The following BAIAP2 variants were observed in gnomAD, a reference collection of about 807,000 sequenced individuals.
BAIAP2 encodes BAR/IMD domain-containing adapter protein 2.
BAIAP2 carries 18 observed loss-of-function variants against 63.0 expected under a neutral mutation model. That is an observed-to-expected ratio of 0.29 (90% CI 0.20 to 0.42). The LOEUF is 0.42. Among genes scored for constraint, BAIAP2 ranks in the 10% least tolerant of loss-of-function variants. The pLI is 1.00. For synonymous variants in BAIAP2, 386 were observed against 307.6 expected (o/e 1.25, Z -2.67); for missense variants, 610 against 734.3 (o/e 0.83, Z 1.96).
chr17:81,075,989 CAGA>C (rs1443653529), intron 3 of BAIAP2, among the ~76,000 whole-genome samples: 1 of 149,758 alleles, frequency 6.7e-6, no homozygotes, highest in African/African-American at 2.5e-5. Flanking sequence ...CGCAGAGAAG[CAGA>C]AGTGCCTGCA....
intron 1 of BAIAP2, among the ~76,000 whole-genome samples, chr17:81,047,680 C>T (rs1308508666): frequency 1.3e-5 from 2 of 151,736 alleles, no homozygotes; most frequent in African/African-American, 2.4e-5. Context: ...ACAGGTCCAT[C>T]TCATGCCCAC....
intron 6 of BAIAP2, chr17:81,098,050 C>G: frequency 8.3e-7 from 1 of 1,209,250 alleles, no homozygotes; most frequent in South Asian, 3.2e-5. Flanking sequence ...ACGCGCTACC[C>G]CAGACCTCAG....
At chr17:81,080,004 T>C (rs537817568) in intron 3 of BAIAP2, among the ~76,000 whole-genome samples, 1 of 152,282 alleles carries the variant, frequency 6.6e-6, no homozygotes, top group Admixed American at 6.5e-5. Flanking sequence ...AGGGAGGCTC[T>C]CAACGGCTGT....
intron 3 of BAIAP2, among the ~76,000 whole-genome samples, chr17:81,077,385 G>A (rs1436039632): frequency 1.1e-4 from 17 of 152,018 alleles, no homozygotes; most frequent in East Asian, 9.7e-4. Flanking sequence ...TGGCCAACAC[G>A]GTGAAACCCC....
chr17:81,100,149 C>T, intron 7 of BAIAP2, 69 bp downstream of exon 7: 4 of 1,508,004 alleles, frequency 2.7e-6, no homozygotes, highest in Non-Finnish European at 2.7e-6. Flanking sequence ...AGGCCCCTGC[C>T]CCAGCCCCAG....
chr17:81,108,174 G>T, intron 12 of BAIAP2: 1 of 477,358 alleles, frequency 2.1e-6, no homozygotes, highest in Non-Finnish European at 3.7e-6. Flanking sequence ...GGGGCAGGAG[G>T]AGGGGTCTCA....
At chr17:81,096,315 C>T (rs149964650) in intron 6 of BAIAP2, among the ~76,000 whole-genome samples, 2 of 152,224 alleles carry the variant, frequency 1.3e-5, no homozygotes, top group African/African-American at 2.4e-5. Context: ...AGGGAGGGCA[C>T]AGAATCCTCA....
intron 4 of BAIAP2, 141 bp downstream of exon 4, chr17:81,085,034 C>G (rs2055327981): frequency 3.8e-6 from 3 of 792,730 alleles, no homozygotes; most frequent in African/African-American, 1.7e-5. Flanking sequence ...CCTGGCTCAG[C>G]ACACAAGCCA....
At position 81,086,598 on chromosome 17, in the gene BAIAP2, G is replaced by T. The variant is rs757400683; in HGVS notation, c.489+18G>T. The T allele has an allele frequency of 1.2e-6, 2 of 1,611,866 alleles. No individual in the cohort carries two copies. The highest frequency in any genetic ancestry group is 2.2e-5 in the South Asian group (2 of 90,998). The stretch of plus-strand genomic sequence containing the variant: ...AGCTGCAGGTAGGCCCGCCACCCCC[G>T]CTGTGGTGCCTCTCCTGCCACCTTG... On this transcript the variant is annotated intron_variant, in intron 6 of 13. Transcript: ENST00000428708.
chr17:81,085,596 C>G, intron 4 of BAIAP2, 58 bp from the exon 5 acceptor site: 5 of 1,459,864 alleles, frequency 3.4e-6, no homozygotes, highest in Non-Finnish European at 4.8e-6. Flanking sequence ...TGCCCTGCCT[C>G]CTGTTCCGGG....
intron 13 of BAIAP2, among the ~76,000 whole-genome samples, chr17:81,114,868 G>T (rs1482202458): frequency 6.6e-6 from 1 of 152,188 alleles, no homozygotes; most frequent in Non-Finnish European, 1.5e-5. Context: ...GGACCCAGCT[G>T]TGCCAGAGGT....
Position 81,106,142 on chromosome 17 carries a change from A to C in BAIAP2, c.1333A>C (p.Met445Leu). The C allele has an allele frequency of 6.3e-7, 1 of 1,580,210 alleles. No homozygotes were observed. The highest frequency in any genetic ancestry group is 8.6e-7 in the Non-Finnish European group (1 of 1,162,984). The change falls in exon 11 of 14, where the codon ATG (methionine) becomes CTG (leucine). Residue 445 changes from methionine (M) to leucine (L), a missense_variant. Transcript: ENST00000428708. ...LDSDGSDRLH[M>L]SLQQGKSSST... Reference sequence around the variant, plus strand: ...CAGCGATGGCAGTGACAGGCTGCACATGAGGTGAGCTCTGGGCCCAACGGG... The same window carrying C: ...CAGCGATGGCAGTGACAGGCTGCACCTGAGGTGAGCTCTGGGCCCAACGGG...
chr17:81,042,022 C>T (rs1012326689), intron 1 of BAIAP2, among the ~76,000 whole-genome samples: 1 of 152,180 alleles, frequency 6.6e-6, no homozygotes, highest in Admixed American at 6.5e-5. Flanking sequence ...TGGGCACCTG[C>T]CCCTGAGCCG....
intron 12 of BAIAP2, chr17:81,107,575 G>C (rs1421631090): frequency 2.0e-5 from 3 of 152,386 alleles, no homozygotes; most frequent in African/African-American, 7.2e-5. Flanking sequence ...CCTGGGGTTG[G>C]AGAGTTGGAG....
chr17:81,039,370 C>G (rs2046772749), intron 1 of BAIAP2, among the ~76,000 whole-genome samples: 2 of 152,208 alleles, frequency 1.3e-5, no homozygotes, highest in African/African-American at 4.8e-5. Context: ...CCTGCTGGCT[C>G]CAGGTGGCGT....
In BAIAP2 at chr17:81,055,071, C is replaced by T. The variant is rs527596814; in HGVS notation, c.130+1328C>T. 3.1e-3 allele frequency among the ~76,000 whole-genome samples: 470 copies of T among 152,216 alleles called. 2 individuals carry two copies. Among genetic ancestry groups the T allele is most frequent in the African/African-American group, 0.011 (442 of 41,530 alleles). On this transcript the variant is annotated intron_variant, in intron 2 of 13. Coordinates refer to ENST00000428708, the MANE Select transcript of BAIAP2 (RefSeq NM_001144888.2). ...GGGACACGTGCTGCGTCTCTGCCGGCGCCCCCGGCTCCTCCACCGCTTCCT... is the reference window on the plus strand; with the variant it reads ...GGGACACGTGCTGCGTCTCTGCCGGTGCCCCCGGCTCCTCCACCGCTTCCT...
rs1284443864 is a variant in BAIAP2, at chr17:81,117,322, TAAA to T, written c.*1487_*1489del. ...TCTTTTGTCTTAGCTTCATTTCTCT[TAAA>T]AAACAAGGAACAAGAAAACATTGCA... On this transcript the variant is annotated 3_prime_UTR_variant, in exon 14 of 14. Coordinates refer to ENST00000428708, the MANE Select transcript of BAIAP2 (RefSeq NM_001144888.2). 1 of 152,206 alleles carries T rather than the reference TAAA, an allele frequency of 6.6e-6. No individual in the cohort carries two copies. The highest frequency in any genetic ancestry group is 1.5e-5 in the Non-Finnish European group (1 of 68,032). 9.4% of individuals were successfully genotyped at this position (152,206 alleles called of 1,614,324 possible). A position where few individuals can be genotyped will look rare whatever the true frequency, so the allele number is the denominator to read the frequency against.
At chr17:81,095,522 T>C (rs990594562) in intron 6 of BAIAP2, among the ~76,000 whole-genome samples, 5 of 152,144 alleles carry the variant, frequency 3.3e-5, no homozygotes, top group Non-Finnish European at 7.4e-5. Context: ...GAACAGCAGG[T>C]GAGGAGAGGC....
At chr17:81,095,035 C>A (rs1204789500) in intron 6 of BAIAP2, among the ~76,000 whole-genome samples, 1 of 152,270 alleles carries the variant, frequency 6.6e-6, no homozygotes, top group Non-Finnish European at 1.5e-5. Flanking sequence ...GTGTTCTGAT[C>A]ACTTTTGTCT....
Sources: allele counts gnomAD v4.1 joint callset (sites outside exome capture counted in the v4.1 genomes callset), GRCh38; gene constraint gnomAD v4.1.1; transcripts MANE v1.5; gene names NCBI Gene and HGNC (gene_info 2026-07-23, HGNC 2026-07-21).